CASP6: variants seen among roughly 807,000 people sequenced by gnomAD.
CASP6 encodes the protein caspase-6.
A neutral mutation model predicts 31.8 loss-of-function variants in CASP6; 20 were observed. That is an observed-to-expected ratio of 0.63 (90% CI 0.44 to 0.91). The LOEUF is 0.91. Ranked by LOEUF, CASP6 falls within the 40% of genes least tolerant of loss-of-function variation. The probability of loss-of-function intolerance (pLI) is 0.00; values close to 1 mark genes in which losing one functional copy is unlikely to be tolerated. For missense variants in CASP6, 328 were observed against 361.1 expected (o/e 0.91, Z 0.74); for synonymous variants, 130 against 127.8 (o/e 1.02, Z -0.12).
At chr4:109,692,678 C>T (rs1305051779) in intron 5 of CASP6, 1 of 152,250 alleles carries the variant, frequency 6.6e-6, no homozygotes, top group African/African-American at 2.4e-5. Context: ...GTATTCAACA[C>T]GAGTAAACTC....
the CASP6 span, among the ~76,000 whole-genome samples, chr4:109,672,084 A>G: frequency 6.6e-6 from 1 of 151,812 alleles, no homozygotes; most frequent in East Asian, 1.9e-4. Context: ...TTAAATATAT[A>G]TATATTTTTA....
the CASP6 span, among the ~76,000 whole-genome samples, chr4:109,666,263 C>T: frequency 6.6e-6 from 1 of 152,198 alleles, no homozygotes; most frequent in Non-Finnish European, 1.5e-5. Flanking sequence ...TATAAATACA[C>T]ATGCGCAGGC....
downstream of CASP6, chr4:109,687,620 T>A: frequency 6.8e-7 from 1 of 1,462,136 alleles, no homozygotes; most frequent in Non-Finnish European, 9.5e-7. Flanking sequence ...TCGTCAGATT[T>A]TCCATTATGT....
intron 5 of CASP6, among the ~76,000 whole-genome samples, chr4:109,693,177 C>T (rs868312271): frequency 6.6e-6 from 1 of 152,174 alleles, no homozygotes; most frequent in Non-Finnish European, 1.5e-5. Flanking sequence ...TAATTGTAAG[C>T]TTCCTAAGGC....
At position 109,689,230 on chromosome 4, in the gene CASP6, C is replaced by T. The variant is rs1729946533; in HGVS notation, c.*100G>A. 16 of 1,111,678 alleles carry T rather than the reference C, an allele frequency of 1.4e-5. No homozygotes were observed. The highest frequency in any genetic ancestry group is 2.0e-5 in the Non-Finnish European group (15 of 747,406). 68.9% of individuals were successfully genotyped at this position (1,111,678 alleles called of 1,614,324 possible). A position where few individuals can be genotyped will look rare whatever the true frequency, so the allele number is the denominator to read the frequency against. On this transcript the variant is annotated 3_prime_UTR_variant, in exon 7 of 7. Coordinates refer to ENST00000265164, the MANE Select transcript of CASP6 (RefSeq NM_001226.4). ...TCCCGACCTCAGGTGATCCGCCCAC[C>T]TTGGACTCCCAAAGTGCTGGGATTA...
intron 5 of CASP6, 119 bp from the exon 6 acceptor site, chr4:109,691,128 C>T (rs1484820630): frequency 4.5e-6 from 5 of 1,106,152 alleles, no homozygotes; most frequent in Admixed American, 6.3e-5. Flanking sequence ...ACATTCTGAG[C>T]AGTTCAGAAG....
chr4:109,666,916 C>A, the CASP6 span, among the ~76,000 whole-genome samples: 1 of 152,096 alleles, frequency 6.6e-6, no homozygotes, highest in Non-Finnish European at 1.5e-5. Context: ...AAGTGTTGAG[C>A]CTTGCATACC....
At chr4:109,695,108 G>T (rs1730197213) in intron 4 of CASP6, among the ~76,000 whole-genome samples, 1 of 152,134 alleles carries the variant, frequency 6.6e-6, no homozygotes, top group South Asian at 2.1e-4. Context: ...TGGGATTACA[G>T]GCATGAGCCA....
the CASP6 span, among the ~76,000 whole-genome samples, chr4:109,668,235 A>G: frequency 6.6e-6 from 1 of 152,076 alleles, no homozygotes; most frequent in South Asian, 2.1e-4. Flanking sequence ...AGGAATGTTG[A>G]AGTCTGTAAC....
chr4:109,701,184 A>G (rs1730411839), intron 1 of CASP6, among the ~76,000 whole-genome samples: 1 of 150,148 alleles, frequency 6.7e-6, no homozygotes, highest in Non-Finnish European at 1.5e-5. Flanking sequence ...CTGGTCTTGA[A>G]CTCCTGGCCT....
intron 1 of CASP6, 45 bp downstream of exon 1, chr4:109,703,303 AGCCGGAGC>A: frequency 1.3e-6 from 2 of 1,576,896 alleles, no homozygotes; most frequent in Non-Finnish European, 1.7e-6. Context: ...TTTCCCCTCC[AGCCGGAGC>A]AAGACGCAGA....
downstream of CASP6, chr4:109,684,443 G>T: frequency 1.2e-6 from 2 of 1,606,856 alleles, no homozygotes; most frequent in Non-Finnish European, 1.7e-6. Flanking sequence ...TCCCCCTCAG[G>T]TGAAAGCTGG....
chr4:109,690,955 T>A lies in CASP6; in HGVS notation c.538A>T (p.Asn180Tyr). 6.2e-7 allele frequency: 1 copy of A among 1,613,984 alleles called. No individual in the cohort carries two copies. Among genetic ancestry groups the A allele is most frequent in the Non-Finnish European group, 8.5e-7 (1 of 1,179,928 alleles). Reference protein sequence around the residue: ...VPVIPLDVVDNQTEKLDTNIT... With the variant: ...VPVIPLDVVDYQTEKLDTNIT... ...TTGGTGTCCAACTTCTCTGTCTGATTATCTACTACATCCAAAGGAATGACT... is the reference window on the plus strand; with the variant it reads ...TTGGTGTCCAACTTCTCTGTCTGATAATCTACTACATCCAAAGGAATGACT... Residue 180 changes from asparagine to tyrosine, a missense_variant, in exon 6 of 7, where the codon AAT (asparagine) becomes TAT (tyrosine). Asn to Tyr is a moderately radical substitution (Grantham distance 143). Coordinates refer to ENST00000265164, the MANE Select transcript of CASP6 (RefSeq NM_001226.4).
chr4:109,673,243 T>C, the CASP6 span, among the ~76,000 whole-genome samples: 5 of 152,214 alleles, frequency 3.3e-5, no homozygotes, highest in Admixed American at 1.3e-4. Context: ...GTTGCATTTA[T>C]GAACAAACAA....
intron 4 of CASP6, among the ~76,000 whole-genome samples, chr4:109,695,303 A>C (rs1285953356): frequency 6.6e-6 from 1 of 152,218 alleles, no homozygotes; most frequent in Non-Finnish European, 1.5e-5. Context: ...TGTGGAAAAC[A>C]TAAAGGGATT....
intron 1 of CASP6, among the ~76,000 whole-genome samples, chr4:109,700,066 T>C (rs1280190856): frequency 6.6e-6 from 1 of 152,186 alleles, no homozygotes; most frequent in Non-Finnish European, 1.5e-5. Context: ...CCATACTGAC[T>C]GCTGAGCCGA....
downstream of CASP6, chr4:109,687,762 T>G: frequency 1.7e-6 from 1 of 589,346 alleles, no homozygotes; most frequent in Non-Finnish European, 3.0e-6. Flanking sequence ...TTTGGATTTT[T>G]ATGACTTGCT....
chr4:109,682,595 T>A, the CASP6 span: 2 of 1,608,292 alleles, frequency 1.2e-6, no homozygotes, highest in African/African-American at 1.3e-5. Context: ...AACCAAGTAA[T>A]GAGCACACTG....
At chr4:109,702,963 AC>A (rs1384128007) in intron 1 of CASP6, 1 of 225,144 alleles carries the variant, frequency 4.4e-6, no homozygotes, top group Non-Finnish European at 8.6e-6. Context: ...AAAAGATCCA[AC>A]CCCCAACATT....
Sources: gnomAD v4.1 joint callset for allele counts (sites outside exome capture counted in the v4.1 genomes callset) on GRCh38, gnomAD v4.1.1 for gene constraint, MANE v1.5 for transcripts, NCBI Gene and HGNC (gene_info 2026-07-23, HGNC 2026-07-21) for gene names.